The following SHANK2 variants were observed in gnomAD, a reference collection of about 807,000 sequenced individuals.
SHANK2 encodes the protein SH3 and multiple ankyrin repeat domains protein 2.
Under a neutral mutation model 133.7 loss-of-function variants are expected in SHANK2, and 43 were observed. The observed-to-expected ratio is 0.32, with a 90% CI of 0.25 to 0.41. SHANK2 has a LOEUF of 0.41. Among genes scored for constraint, SHANK2 ranks in the 10% least tolerant of loss-of-function variants. The probability of loss-of-function intolerance (pLI) is 1.00; values close to 1 mark genes in which losing one functional copy is unlikely to be tolerated. For missense variants in SHANK2, 1,994 were observed against 2,235.8 expected (o/e 0.89, Z 2.18); for synonymous variants, 1,017 against 952.8 (o/e 1.07, Z -1.24).
chr11:70,813,704 T>C (rs912060149), intron 12 of SHANK2, among the ~76,000 whole-genome samples: 4 of 152,078 alleles, frequency 2.6e-5, no homozygotes, highest in Non-Finnish European at 5.9e-5. Flanking sequence ...CTGTCAAATG[T>C]TACTAAATGC....
intron 17 of SHANK2, among the ~76,000 whole-genome samples, chr11:70,608,739 G>A (rs1426920628): frequency 3.3e-5 from 5 of 152,186 alleles, no homozygotes; most frequent in African/African-American, 7.2e-5. Flanking sequence ...ATTCACAGCC[G>A]AAAGCTCGTG....
chr11:70,863,577 TA>T (rs1555068375), intron 11 of SHANK2: 3 of 456,888 alleles, frequency 6.6e-6, no homozygotes, highest in South Asian at 4.6e-5. Context: ...ATTTAGAGTC[TA>T]AAATAACTCA....
intron 10 of SHANK2, among the ~76,000 whole-genome samples, chr11:70,920,450 G>A (rs782820784): frequency 6.6e-5 from 10 of 152,182 alleles, no homozygotes; most frequent in African/African-American, 1.7e-4. Context: ...AAGGAGAGGC[G>A]GAGGGTGGAA....
chr11:70,661,552 C>A lies in SHANK2; in HGVS notation c.1936+44G>T, dbSNP rs370783968. 1.5e-3 allele frequency: 1,835 copies of A among 1,225,402 alleles called. 34 individuals carry two copies. The African/African-American group carries it at 0.028, about 19-fold the overall frequency. 75.9% of individuals were successfully genotyped at this position (1,225,402 alleles called of 1,614,324 possible). On this transcript the variant is annotated intron_variant, in intron 16 of 25. Transcript: ENST00000601538. The stretch of plus-strand genomic sequence containing the variant: ...ACACACACACACACACACACACACA[C>A]ACAAACATGGGAACATATTCAGGCT...
At chr11:70,803,350 T>TCCA (rs1948093482) in intron 13 of SHANK2, among the ~76,000 whole-genome samples, 1 of 33,816 alleles carries the variant, frequency 3.0e-5, no homozygotes, top group Non-Finnish European at 6.1e-5. Context: ...ATCCATCCAT[T>TCCA]TACCTATCCA....
At position 70,473,504 on chromosome 11, in the gene SHANK2, G is replaced by T. The variant is rs183196098; in HGVS notation, c.4980-65C>A. 444 of 1,536,930 alleles carry T rather than the reference G, an allele frequency of 2.9e-4. 2 individuals are homozygous for T. The African/African-American group carries it at 5.2e-3, about 18-fold the overall frequency. On this transcript the variant is annotated intron_variant, in intron 25 of 25. Coordinates refer to ENST00000601538, the MANE Select transcript of SHANK2 (RefSeq NM_012309.5). The surrounding 1 kb of genome is among the most constrained non-coding windows in gnomAD (Gnocchi z 5.9). Reference sequence around the variant, plus strand: ...CACCGAGTCAGGGCAGCTGGCTGCAGATCACCCAGGAAGGCGAGGGAGACG... The same window carrying T: ...CACCGAGTCAGGGCAGCTGGCTGCATATCACCCAGGAAGGCGAGGGAGACG...
intron 17 of SHANK2, among the ~76,000 whole-genome samples, chr11:70,595,391 A>G (rs1425228514): frequency 3.9e-5 from 6 of 152,236 alleles, no homozygotes; most frequent in South Asian, 2.1e-4. Context: ...TAATAAATTT[A>G]TTTATAAAGC....
chr11:70,637,416 T>G (rs538979842), intron 17 of SHANK2, among the ~76,000 whole-genome samples: 1 of 151,966 alleles, frequency 6.6e-6, no homozygotes, highest in South Asian at 2.1e-4. Flanking sequence ...TGGGGGCAGG[T>G]GGGGCTGGGC....
At chr11:70,633,573 G>A (rs1344524590) in intron 17 of SHANK2, 3 of 152,240 alleles carry the variant, frequency 2.0e-5, no homozygotes, top group Non-Finnish European at 4.4e-5. Context: ...ATATGTGAAA[G>A]TTCTTCGAGA....
chr11:70,545,539 G>A (rs1297438633), intron 17 of SHANK2, among the ~76,000 whole-genome samples: 1 of 152,176 alleles, frequency 6.6e-6, no homozygotes, highest in African/African-American at 2.4e-5. Context: ...GAGCAGCTCA[G>A]TGACAGCACC....
chr11:70,656,355 C>T (rs1408680802), intron 17 of SHANK2, among the ~76,000 whole-genome samples: 3 of 151,302 alleles, frequency 2.0e-5, no homozygotes, highest in Non-Finnish European at 4.4e-5. Context: ...CTGGTGGAGG[C>T]CCCATCCTCA....
chr11:71,062,528 G>A (rs889861331), intron 9 of SHANK2, among the ~76,000 whole-genome samples: 4 of 152,168 alleles, frequency 2.6e-5, no homozygotes, highest in African/African-American at 7.2e-5. Context: ...GCTCTGGGCT[G>A]TAACTGCACC....
intron 11 of SHANK2, among the ~76,000 whole-genome samples, chr11:70,865,415 G>A (rs1477151718): frequency 6.6e-6 from 1 of 152,160 alleles, no homozygotes; most frequent in East Asian, 1.9e-4. Context: ...TATTCTGAAG[G>A]GACAAGGAGA....
At chr11:71,088,560 TG>T (rs1334641305) in intron 8 of SHANK2, among the ~76,000 whole-genome samples, 152,294 of 152,294 alleles carry the variant, frequency 1, 76,147 homozygotes, top group Non-Finnish European at 1. Context: ...CCTTGTCCCC[TG>T]GGGGCCGGCA....
intron 8 of SHANK2, among the ~76,000 whole-genome samples, chr11:71,076,125 G>GA (rs1951215067): frequency 6.6e-6 from 1 of 152,162 alleles, no homozygotes; most frequent in Non-Finnish European, 1.5e-5. Context: ...GCTCACAGGG[G>GA]CCAGGGAGGT....
At chr11:70,607,912 T>G (rs2060601309) in intron 17 of SHANK2, among the ~76,000 whole-genome samples, 1 of 152,222 alleles carries the variant, frequency 6.6e-6, no homozygotes, top group African/African-American at 2.4e-5. Flanking sequence ...AAGAAGAATC[T>G]GGTTCCAGCT....
intron 15 of SHANK2, among the ~76,000 whole-genome samples, chr11:70,697,868 CG>C (rs759931342): frequency 6.6e-6 from 1 of 152,180 alleles, no homozygotes; most frequent in Non-Finnish European, 1.5e-5. Context: ...CTCACATCCC[CG>C]GGGCCTGCAC....
At chr11:70,533,502 A>G (rs187930571) in intron 17 of SHANK2, among the ~76,000 whole-genome samples, 1 of 152,132 alleles carries the variant, frequency 6.6e-6, no homozygotes, top group African/African-American at 2.4e-5. Flanking sequence ...CCTAGCTCCA[A>G]TCACAACCCG....
intron 12 of SHANK2, among the ~76,000 whole-genome samples, chr11:70,816,615 G>T (rs1421686803): frequency 6.6e-6 from 1 of 152,226 alleles, no homozygotes; most frequent in Non-Finnish European, 1.5e-5. Context: ...AGTAAGGCAG[G>T]CGCACAAGGC....
Sources: allele counts gnomAD v4.1 joint callset (sites outside exome capture counted in the v4.1 genomes callset), GRCh38; gene constraint gnomAD v4.1.1; non-coding constraint Gnocchi (gnomAD v3.1); transcripts MANE v1.5; gene names NCBI Gene and HGNC (gene_info 2026-07-23, HGNC 2026-07-21).